Variants in APC observed in about 807,000 individuals in gnomAD.
APC encodes the protein adenomatous polyposis coli protein.
Under a neutral mutation model 247.0 loss-of-function variants are expected in APC, and 72 were observed. The ratio of observed to expected loss-of-function variants is 0.29; its 90% CI spans 0.24 to 0.35. The LOEUF is 0.35. Ranked by LOEUF, APC falls within the 10% of genes least tolerant of loss-of-function variation. APC has a pLI of 1.00. For missense variants in APC, 3,400 were observed against 3,360.7 expected (o/e 1.01, Z -0.29); for synonymous variants, 1,254 against 1,162.5 (o/e 1.08, Z -1.60).
chr5:112,709,062 A>G (rs1487060913), intron 1 of APC, among the ~76,000 whole-genome samples: 2 of 152,258 alleles, frequency 1.3e-5, no homozygotes, highest in Middle Eastern at 3.2e-3. Context: ...GAGATTAAAA[A>G]TATAAATGAT....
chr5:112,726,320 G>A (rs1375255091), intron 1 of APC, among the ~76,000 whole-genome samples: 1 of 152,216 alleles, frequency 6.6e-6, no homozygotes, highest in African/African-American at 2.4e-5. Context: ...TGTGGAGGTG[G>A]CTCTCAGTGA....
chr5:112,817,538 C>A (rs1762638369), intron 9 of APC, among the ~76,000 whole-genome samples: 1 of 152,094 alleles, frequency 6.6e-6, no homozygotes. Context: ...AAATTTTAGG[C>A]ATGGAAATTT....
At chr5:112,771,727 T>G (rs375405917) in intron 4 of APC, among the ~76,000 whole-genome samples, 6 of 152,302 alleles carry the variant, frequency 3.9e-5, no homozygotes, top group African/African-American at 1.4e-4. Context: ...ATCTGGAAAT[T>G]TATTTATTCA....
At position 112,766,591 on chromosome 5, in the gene APC, C is replaced by T. The variant is rs528732370; in HGVS notation, c.220+181C>T. Among the ~76,000 whole-genome samples the T allele has an allele frequency of 4.6e-5, 7 of 152,138 alleles. No individual in the cohort carries two copies. In the East Asian group the frequency reaches 1.4e-3, roughly 29 times the overall value. On this transcript the variant is annotated intron_variant, in intron 3 of 15. Transcript: ENST00000257430. ...ATAAATAAAAAATGTATTTGTGTGTCATTTCTTCAGTTAAACATTTAACTG... is the reference window on the plus strand; with the variant it reads ...ATAAATAAAAAATGTATTTGTGTGTTATTTCTTCAGTTAAACATTTAACTG...
intron 7 of APC, among the ~76,000 whole-genome samples, chr5:112,798,932 G>A (rs763332631): frequency 2.6e-5 from 4 of 151,944 alleles, no homozygotes; most frequent in Admixed American, 6.6e-5. Context: ...GATAATGGCC[G>A]GGCACTGTGG....
rs1403987270 is a variant in APC, at chr5:112,843,197, A to G, written c.7603A>G (p.Ser2535Gly). The change falls in exon 16 of 16, where the codon AGT becomes GGT. Residue 2535 changes from serine to glycine, a missense_variant. By Grantham distance (56) the Ser-to-Gly change is moderately conservative. Around this residue, in one of 9 missense-constraint regions of APC, gnomAD observed 1,788 missense variants for 1,649.5 expected, o/e 1.08. Coordinates refer to ENST00000257430, the MANE Select transcript of APC (RefSeq NM_000038.6). The surrounding 1 kb of genome is among the most constrained non-coding windows in gnomAD (Gnocchi z 4.8). The part of the protein sequence containing the change: ...RHDIARSHSE[S>G]PSRLPINRSG... ...TGATATTGCACGGTCTCATTCTGAA[A>G]GTCCTTCTAGACTTCCAATCAATAG... 1 of 1,613,606 alleles carries G rather than the reference A, an allele frequency of 6.2e-7. No individual in the cohort carries two copies. The highest frequency in any genetic ancestry group is 1.7e-5 in the Admixed American group (1 of 60,024).
chr5:112,752,315 C>G (rs1029263405), intron 1 of APC, among the ~76,000 whole-genome samples: 1 of 152,042 alleles, frequency 6.6e-6, no homozygotes, highest in East Asian at 1.9e-4. Context: ...AATAATAATC[C>G]TCCACATTTA....
At chr5:112,730,793 T>C (rs926350814) in intron 1 of APC, among the ~76,000 whole-genome samples, 1 of 152,112 alleles carries the variant, frequency 6.6e-6, no homozygotes, top group Non-Finnish European at 1.5e-5. Context: ...TGTTAATTTC[T>C]CTCTCCTCTA....
At chr5:112,723,204 G>T (rs1285251932) in intron 1 of APC, among the ~76,000 whole-genome samples, 1 of 152,158 alleles carries the variant, frequency 6.6e-6, no homozygotes, top group Non-Finnish European at 1.5e-5. Flanking sequence ...CTGGCTGGGC[G>T]TGGTGGCTCA....
chr5:112,714,732 A>G (rs1366240126), intron 1 of APC, among the ~76,000 whole-genome samples: 1 of 152,196 alleles, frequency 6.6e-6, no homozygotes, highest in Non-Finnish European at 1.5e-5. Flanking sequence ...ATCTATCCCT[A>G]AAAAGTTTAT....
intron 4 of APC, among the ~76,000 whole-genome samples, chr5:112,774,464 ATTTTTTTTT>A (rs35554771): frequency 4.1e-5 from 5 of 121,278 alleles, no homozygotes; most frequent in African/African-American, 1.5e-4. Flanking sequence ...TGCAAGATCG[ATTTTTTTTT>A]TTTTTTTTTT....
intron 1 of APC, 80 bp downstream of exon 1, chr5:112,738,005 G>T (rs1053196695): frequency 7.7e-6 from 7 of 909,440 alleles, no homozygotes; most frequent in South Asian, 5.0e-5. Flanking sequence ...GTCTTAAACC[G>T]ATGGCCTTTC....
intron 14 of APC, among the ~76,000 whole-genome samples, chr5:112,831,095 A>G (rs999625303): frequency 2.6e-5 from 4 of 151,558 alleles, no homozygotes; most frequent in African/African-American, 9.7e-5. Flanking sequence ...TCTCTCAAGG[A>G]CCTAAACTCT....
At chr5:112,784,708 C>T (rs1159491173) in intron 6 of APC, among the ~76,000 whole-genome samples, 1 of 151,802 alleles carries the variant, frequency 6.6e-6, no homozygotes, top group Non-Finnish European at 1.5e-5. Context: ...GGGTCTGAGG[C>T]TATGAGAAAA....
chr5:112,844,015 T>C lies in APC; in HGVS notation c.8421T>C (p.Thr2807=). ...CAGCTCGGCCATCTCAGATCCCAAC[T>C]CCAGTGAATAACAACACAAAGAAGC... The part of the protein sequence containing the change: ...STSARPSQIP[T]PVNNNTKKRD... Residue 2807 remains threonine, a synonymous_variant, in exon 16 of 16, where the codon ACT becomes ACC. Transcript: ENST00000257430. 2 of 1,602,468 alleles carry C rather than the reference T, an allele frequency of 1.2e-6. No homozygotes were observed. The highest frequency in any genetic ancestry group is 1.7e-6 in the Non-Finnish European group (2 of 1,176,080).
chr5:112,741,150 A>C (rs1396272843), intron 1 of APC, among the ~76,000 whole-genome samples: 1 of 152,226 alleles, frequency 6.6e-6, no homozygotes, highest in African/African-American at 2.4e-5. Context: ...TGCTGGAGTC[A>C]AATAAGACAC....
rs753145833 is a variant in APC, at chr5:112,838,743, C to G, written c.3149C>G (p.Ala1050Gly). ...RQSPSQNERWARPKHIIEDEI... is the reference protein window; with the variant it reads ...RQSPSQNERWGRPKHIIEDEI... ...AGTCCTTCACAGAATGAAAGATGGG[C>G]AAGACCCAAACACATAATAGAAGAT... is the stretch of plus-strand genomic sequence containing the variant. The change falls in exon 16 of 16, where the codon GCA becomes GGA. Residue 1050 changes from alanine (A) to glycine (G), a missense_variant. Ala to Gly is a moderately conservative substitution (Grantham distance 60). Coordinates refer to ENST00000257430, the MANE Select transcript of APC (RefSeq NM_000038.6). 5 of 1,613,950 alleles carry G rather than the reference C, an allele frequency of 3.1e-6. No individual in the cohort carries two copies. The South Asian group carries it at 5.5e-5, about 18-fold the overall frequency.
At chr5:112,831,884 T>G (rs181268582) in intron 14 of APC, among the ~76,000 whole-genome samples, 60 of 152,348 alleles carry the variant, frequency 3.9e-4, no homozygotes, top group Middle Eastern at 3.4e-3. Context: ...TTTGACCAAA[T>G]ACCTTTGTGT....
At chr5:112,817,496 T>G (rs983649366) in intron 9 of APC, among the ~76,000 whole-genome samples, 2 of 152,190 alleles carry the variant, frequency 1.3e-5, no homozygotes, top group East Asian at 3.8e-4. Context: ...GAAGTATCCA[T>G]ATTTCTCTAA....
Sources: allele counts gnomAD v4.1 joint callset (sites outside exome capture counted in the v4.1 genomes callset), GRCh38; gene constraint gnomAD v4.1.1; regional missense constraint gnomAD v4.1.1; non-coding constraint Gnocchi (gnomAD v3.1); transcripts MANE v1.5; gene names NCBI Gene and HGNC (gene_info 2026-07-23, HGNC 2026-07-21).